DNAH5: variants seen among roughly 807,000 people sequenced by gnomAD.
DNAH5 encodes the protein axonemal beta dynein heavy chain 5.
In DNAH5, 372 loss-of-function variants were observed where a neutral mutation model predicts 518.2. The observed-to-expected ratio is 0.72, with a 90% CI of 0.66 to 0.78. The LOEUF (loss-of-function observed/expected upper bound fraction) is 0.78. Among genes scored for constraint, DNAH5 ranks in the 30% least tolerant of loss-of-function variants. The pLI, the probability that DNAH5 is intolerant of heterozygous loss-of-function variation, is 0.00. For missense variants in DNAH5, 5,523 were observed against 5,687.0 expected (o/e 0.97, Z 0.93); for synonymous variants, 2,039 against 2,025.9 (o/e 1.01, Z -0.17).
chr5:13,820,822 C>T (rs1201595999), intron 40 of DNAH5, among the ~76,000 whole-genome samples: 4 of 37,838 alleles, frequency 1.1e-4, no homozygotes, highest in Non-Finnish European at 1.9e-4. Flanking sequence ...AATACTCCGT[C>T]TCAAAAAAAA....
chr5:13,902,503 G>A (rs1054768033), intron 12 of DNAH5, among the ~76,000 whole-genome samples: 5 of 152,170 alleles, frequency 3.3e-5, no homozygotes, highest in African/African-American at 9.7e-5. Flanking sequence ...TACATGCAAA[G>A]GGAATTGATT....
chr5:13,804,887 A>C (rs1040346611), intron 47 of DNAH5, among the ~76,000 whole-genome samples: 20 of 152,362 alleles, frequency 1.3e-4, no homozygotes, highest in Non-Finnish European at 2.5e-4. Context: ...CCAGGAAACG[A>C]GTACATATTT....
chr5:13,863,044 T>C (rs759764265), intron 28 of DNAH5, among the ~76,000 whole-genome samples: 13 of 152,172 alleles, frequency 8.5e-5, no homozygotes, highest in Non-Finnish European at 1.8e-4. Context: ...CAAATCACTT[T>C]TAAATTTTGA....
chr5:13,737,595 T>A, intron 65 of DNAH5, 100 bp from the exon 66 acceptor site: 1 of 1,221,828 alleles, frequency 8.2e-7, no homozygotes, highest in Non-Finnish European at 1.2e-6. Flanking sequence ...GCTCCCATAC[T>A]GTATTTATCA....
chr5:13,875,340 G>A (rs571803317), intron 22 of DNAH5, among the ~76,000 whole-genome samples: 221 of 151,980 alleles, frequency 1.5e-3, no homozygotes, highest in African/African-American at 5.2e-3. Context: ...GGTGGTGCAT[G>A]CCTCTAATCC....
intron 1 of DNAH5, among the ~76,000 whole-genome samples, chr5:13,937,934 C>G (rs995861555): frequency 5.9e-5 from 9 of 152,160 alleles, no homozygotes; most frequent in Non-Finnish European, 1.0e-4. Context: ...TGAATTACAG[C>G]CATTCTCCTA....
intron 70 of DNAH5, among the ~76,000 whole-genome samples, chr5:13,725,430 G>T (rs1467267076): frequency 6.6e-6 from 1 of 152,190 alleles, no homozygotes; most frequent in Non-Finnish European, 1.5e-5. Context: ...CATAATAACT[G>T]ATGTAAGAGT....
intron 78 of DNAH5, among the ~76,000 whole-genome samples, chr5:13,695,840 CCACACATGCACATGCACATACA>C (rs913066997): frequency 1.1e-4 from 16 of 151,964 alleles, no homozygotes; most frequent in African/African-American, 1.4e-4. Flanking sequence ...ACATACATAC[CCACACATGCACATGCACATACA>C]CACACATGCA....
rs776343117 is a variant in DNAH5 at position 13,923,275 on chromosome 5, C to T, written c.438+5G>A. 1 of 1,614,008 alleles carries T rather than the reference C, an allele frequency of 6.2e-7. No individual in the cohort carries two copies. The highest frequency in any genetic ancestry group is 2.2e-5 in the East Asian group (1 of 44,896). On this transcript the variant is annotated splice_donor_5th_base_variant and intron_variant, in intron 4 of 78. Transcript: ENST00000265104. The stretch of plus-strand genomic sequence containing the variant: ...TCAGAGTAAACAATGGCTCTTGCCC[C>T]TTACCTGGTGGATGTTGTCAGGGGT...
In DNAH5 at chr5:13,769,623, T is replaced by C; in HGVS notation, c.9606-8A>G. The C allele has an allele frequency of 1.2e-6, 2 of 1,608,364 alleles. No homozygotes were observed. The highest frequency in any genetic ancestry group is 1.7e-6 in the Non-Finnish European group (2 of 1,174,796). On this transcript the variant is annotated splice_polypyrimidine_tract_variant and splice_region_variant and intron_variant, in intron 56 of 78. Coordinates refer to ENST00000265104, the MANE Select transcript of DNAH5 (RefSeq NM_001369.3). ...TCCAATCCAGTATTCATTCTGGGAT[T>C]GAAAATCCAAGCAAGCAATGTTAAA...
chr5:13,882,683 T>C (rs1771837985), intron 21 of DNAH5, 45 bp downstream of exon 21: 2 of 1,438,284 alleles, frequency 1.4e-6, no homozygotes, highest in African/African-American at 1.4e-5. Flanking sequence ...GCTCAATGAA[T>C]GTTGATTTAC....
chr5:13,960,057 A>G (rs187061475), intron 1 of DNAH5, among the ~76,000 whole-genome samples: 1 of 152,190 alleles, frequency 6.6e-6, no homozygotes, highest in East Asian at 1.9e-4. Flanking sequence ...CAAAGACAAG[A>G]ATAGAAAAGG....
rs532969321 is a variant in DNAH5 at position 13,840,786 on chromosome 5, A to ATTCTT, written c.5709+115_5709+119dup. ...CTGATAAGCTCTGATTACAAACATG[A>ATTCTT]TTCTTTGCCAGAATTTAATTTTTTC... On this transcript the variant is annotated intron_variant, in intron 34 of 78. Transcript: ENST00000265104. 1.2e-4 allele frequency: 92 copies of ATTCTT among 795,962 alleles called. No homozygotes were observed. In the East Asian group the frequency reaches 1.9e-3, roughly 17 times the overall value. 49.3% of individuals were successfully genotyped at this position (795,962 alleles called of 1,614,324 possible).
In DNAH5 at chr5:13,823,354, G is replaced by C. The variant is rs766329468; in HGVS notation, c.6596C>G (p.Pro2199Arg). 1 of 1,612,210 alleles carries C rather than the reference G, an allele frequency of 6.2e-7. No homozygotes were observed. The highest frequency in any genetic ancestry group is 1.1e-5 in the South Asian group (1 of 91,024). Residue 2199 changes from proline (P) to arginine (R), a missense_variant, in exon 40 of 79, where the codon CCC becomes CGC. Coordinates refer to ENST00000265104, the MANE Select transcript of DNAH5 (RefSeq NM_001369.3). ...NLSKLIDEDE[P>R]LFLSLIEDLF... ...ATCTTCAATCAAACTCAAAAACAAGGGTTCATCCTCATCAATCTAAAAAAA... is the reference window on the plus strand; with the variant it reads ...ATCTTCAATCAAACTCAAAAACAAGCGTTCATCCTCATCAATCTAAAAAAA...
chr5:13,943,164 G>A (rs1055198187), intron 1 of DNAH5, among the ~76,000 whole-genome samples: 12 of 152,096 alleles, frequency 7.9e-5, no homozygotes, highest in African/African-American at 1.2e-4. Flanking sequence ...TTCAGACTTG[G>A]TACTGAAGCA....
At chr5:13,740,904 A>G (rs1439140289) in intron 65 of DNAH5, among the ~76,000 whole-genome samples, 1 of 152,136 alleles carries the variant, frequency 6.6e-6, no homozygotes, top group Non-Finnish European at 1.5e-5. Flanking sequence ...ATAATACATA[A>G]ATTATTTATA....
At chr5:13,924,671 G>A (rs1334440879) in intron 3 of DNAH5, among the ~76,000 whole-genome samples, 16 of 116,680 alleles carry the variant, frequency 1.4e-4, no homozygotes, top group East Asian at 4.7e-4. Context: ...GCAAAACTCC[G>A]TCTCAAAAAA....
chr5:13,779,794 A>C (rs1196727869), intron 53 of DNAH5, among the ~76,000 whole-genome samples: 1 of 152,106 alleles, frequency 6.6e-6, no homozygotes, highest in Admixed American at 6.6e-5. Context: ...TGAAGCTCCA[A>C]CTTCCTGATG....
intron 72 of DNAH5, among the ~76,000 whole-genome samples, chr5:13,717,749 T>C (rs1744500607): frequency 6.6e-6 from 1 of 152,096 alleles, no homozygotes; most frequent in Admixed American, 6.5e-5. Flanking sequence ...CTTGCTAACA[T>C]GGGTCAACTT....
Sources: gnomAD v4.1 joint callset for allele counts (sites outside exome capture counted in the v4.1 genomes callset) on GRCh38, gnomAD v4.1.1 for gene constraint, MANE v1.5 for transcripts, NCBI Gene and HGNC (gene_info 2026-07-23, HGNC 2026-07-21) for gene names.